The following NACC2 variants were observed in gnomAD, a reference collection of about 807,000 sequenced individuals.
NACC2 encodes the protein nucleus accumbens-associated protein 2.
NACC2 carries 8 observed loss-of-function variants against 25.1 expected under a neutral mutation model. The observed-to-expected ratio is 0.32, with a 90% CI of 0.19 to 0.57. NACC2 has a LOEUF of 0.57. NACC2 is among the 20% of genes least tolerant of loss of function. NACC2 has a pLI of 0.89. For synonymous variants in NACC2, 435 were observed against 294.7 expected, an observed-to-expected ratio of 1.48 and a Z score of -4.88; for missense variants, 644 against 650.2, an observed-to-expected ratio of 0.99 and a Z score of 0.10.
chr9:136,063,916 C>T (rs1306125195), intron 1 of NACC2, among the ~76,000 whole-genome samples: 3 of 151,248 alleles, frequency 2.0e-5, no homozygotes, highest in African/African-American at 4.9e-5. Context: ...ACAAAAATCA[C>T]TTAAACAGCT....
In NACC2 at chr9:136,011,482, G is replaced by A; in HGVS notation, c.*34C>T. ...TTAGTAACGCATGCAAGCAGCTCTA[G>A]TACTCGGTCCCTCGCGCAGCCACCC... On this transcript the variant is annotated 3_prime_UTR_variant, in exon 6 of 6. Transcript: ENST00000277554. The A allele has an allele frequency of 7.4e-7, 1 of 1,350,818 alleles. No homozygotes were observed. The highest frequency in any genetic ancestry group is 1.5e-5 in the African/African-American group (1 of 66,324). 83.7% of individuals were successfully genotyped at this position (1,350,818 alleles called of 1,614,324 possible).
chr9:136,013,921 C>T lies in NACC2; in HGVS notation c.1100G>A (p.Cys367Tyr). ...CAAGACCTTATGCTTCACCCCTGCACACAGGTGGCAGTTCATCAGCTGGCC... is the reference window on the plus strand; with the variant it reads ...CAAGACCTTATGCTTCACCCCTGCATACAGGTGGCAGTTCATCAGCTGGCC... ...TRGQLMNCHL[C>Y]AGVKHKVLLR... The change falls in exon 4 of 6, where the codon TGT becomes TAT. Residue 367 changes from cysteine to tyrosine, a missense_variant. Cys to Tyr is a radical substitution (Grantham distance 194). Coordinates refer to ENST00000277554, the MANE Select transcript of NACC2 (RefSeq NM_144653.5). This position sits in a 1 kb window ranked among gnomAD's most constrained non-coding sequence, Gnocchi z 6.6. The T allele has an allele frequency of 1.2e-6, 2 of 1,612,906 alleles. No homozygotes were observed. The highest frequency in any genetic ancestry group is 1.7e-6 in the Non-Finnish European group (2 of 1,179,964).
At chr9:136,081,782 C>T (rs1227498642) in intron 1 of NACC2, among the ~76,000 whole-genome samples, 1 of 152,130 alleles carries the variant, frequency 6.6e-6, no homozygotes, top group Non-Finnish European at 1.5e-5. Context: ...GACCAAGCTC[C>T]CTCTACCTGG....
At chr9:136,030,253 G>T (rs139408567) in intron 2 of NACC2, among the ~76,000 whole-genome samples, 1 of 152,046 alleles carries the variant, frequency 6.6e-6, no homozygotes, top group Non-Finnish European at 1.5e-5. Context: ...AACAGGACAC[G>T]GGACAGATCT....
intron 1 of NACC2, among the ~76,000 whole-genome samples, chr9:136,068,142 T>C (rs1169208757): frequency 1.3e-5 from 2 of 152,228 alleles, no homozygotes; most frequent in Non-Finnish European, 2.9e-5. Context: ...TATTACTATA[T>C]GCTACTAAAG....
chr9:136,042,941 GACAGACACAC>G (rs1326070011), intron 2 of NACC2, among the ~76,000 whole-genome samples: 13 of 132,040 alleles, frequency 9.8e-5, no homozygotes, highest in Admixed American at 5.3e-4. Flanking sequence ...CACAGAGACA[GACAGACACAC>G]ACAGACACAC....
intron 2 of NACC2, among the ~76,000 whole-genome samples, chr9:136,023,698 A>G (rs1840332001): frequency 6.6e-6 from 1 of 152,158 alleles, no homozygotes; most frequent in Non-Finnish European, 1.5e-5. Flanking sequence ...GACTTGCCCA[A>G]GGACATCCTC....
intron 2 of NACC2, 114 bp from the exon 3 acceptor site, chr9:136,016,543 C>G: frequency 7.6e-7 from 1 of 1,314,612 alleles, no homozygotes; most frequent in Non-Finnish European, 1.1e-6. Context: ...ACTCTGCCCA[C>G]CTGGGCCCAG....
intron 1 of NACC2, among the ~76,000 whole-genome samples, chr9:136,050,881 C>G (rs1276679236): frequency 6.6e-6 from 1 of 152,206 alleles, no homozygotes; most frequent in South Asian, 2.1e-4. Flanking sequence ...TCTCAGCAGG[C>G]GAGGAGGAGC....
At position 136,059,101 on chromosome 9, in the gene NACC2, C is replaced by T. The variant is rs1840972075; in HGVS notation, c.-59-8521G>A. On this transcript the variant is annotated intron_variant, in intron 1 of 5. Coordinates refer to ENST00000277554, the MANE Select transcript of NACC2 (RefSeq NM_144653.5). ...CCCACATCAGAGCCTGAGACAGCCC[C>T]AACCCCTGCAAGCAGCACAGAAACA... Among the ~76,000 whole-genome samples the T allele has an allele frequency of 2.0e-5, 3 of 152,220 alleles. No homozygotes were observed. In the South Asian group the frequency reaches 6.2e-4, roughly 31 times the overall value.
At chr9:136,043,514 A>T (rs1261348790) in intron 2 of NACC2, among the ~76,000 whole-genome samples, 1 of 152,236 alleles carries the variant, frequency 6.6e-6, no homozygotes, top group Non-Finnish European at 1.5e-5. Flanking sequence ...TGCTGGTGGG[A>T]GTGCGGCCTC....
chr9:136,083,168 C>G (rs1183335190), intron 1 of NACC2, among the ~76,000 whole-genome samples: 1 of 152,250 alleles, frequency 6.6e-6, no homozygotes, highest in Non-Finnish European at 1.5e-5. Context: ...CTGTTGACAT[C>G]ACACGCTCCC....
intron 1 of NACC2, among the ~76,000 whole-genome samples, chr9:136,074,003 T>A (rs1830228435): frequency 6.6e-6 from 1 of 152,164 alleles, no homozygotes; most frequent in African/African-American, 2.4e-5. Flanking sequence ...TTGACTATTT[T>A]TTTAAAAAAA....
At chr9:136,090,984 C>T (rs776871678) in intron 1 of NACC2, among the ~76,000 whole-genome samples, 5 of 152,200 alleles carry the variant, frequency 3.3e-5, no homozygotes, top group South Asian at 2.1e-4. Flanking sequence ...CCCAGGAGCT[C>T]GCGGCCGCCC....
intron 2 of NACC2, 118 bp from the exon 3 acceptor site, chr9:136,016,547 G>C: frequency 7.9e-7 from 1 of 1,268,736 alleles, no homozygotes; most frequent in Non-Finnish European, 1.1e-6. Flanking sequence ...TGCCCACCTG[G>C]GCCCAGGTGA....
At chr9:136,023,002 A>T (rs773758242) in intron 2 of NACC2, among the ~76,000 whole-genome samples, 14 of 109,592 alleles carry the variant, frequency 1.3e-4, no homozygotes, top group Non-Finnish European at 2.5e-4. Flanking sequence ...AGGAGGAAGA[A>T]AAATGAAGGC....
chr9:136,092,004 C>T (rs2131194118), intron 1 of NACC2, among the ~76,000 whole-genome samples: 1 of 152,294 alleles, frequency 6.6e-6, no homozygotes, highest in Admixed American at 6.5e-5. Flanking sequence ...TCCTCTGTGA[C>T]TCTGGACAGG....
chr9:136,066,976 C>T (rs958870019), intron 1 of NACC2, among the ~76,000 whole-genome samples: 18 of 151,494 alleles, frequency 1.2e-4, no homozygotes, highest in East Asian at 1.9e-4. Flanking sequence ...TTTAGCTGGA[C>T]GCAGTGGCTC....
intron 2 of NACC2, among the ~76,000 whole-genome samples, chr9:136,036,599 T>C (rs1158049789): frequency 1.3e-5 from 2 of 151,950 alleles, no homozygotes; most frequent in Non-Finnish European, 2.9e-5. Context: ...ATTATAAACA[T>C]GATCAGAGCA....
Sources: gnomAD v4.1 joint callset for allele counts (sites outside exome capture counted in the v4.1 genomes callset) on GRCh38, gnomAD v4.1.1 for gene constraint, Gnocchi (gnomAD v3.1) non-coding constraint, MANE v1.5 for transcripts, NCBI Gene and HGNC (gene_info 2026-07-23, HGNC 2026-07-21) for gene names.